Variants in ZNF292 observed in about 807,000 individuals in gnomAD.
ZNF292 encodes the protein 16 zinc-finger domain protein.
Under a neutral mutation model 217.9 loss-of-function variants are expected in ZNF292, and 26 were observed. The ratio of observed to expected loss-of-function variants is 0.12; its 90% confidence interval spans 0.09 to 0.17. The LOEUF (loss-of-function observed/expected upper bound fraction) is 0.17, where lower values mean the gene tolerates loss of function less well. Among genes scored for constraint, ZNF292 ranks in the 10% least tolerant of loss-of-function variants. The pLI is 1.00. For missense variants in ZNF292, 2,904 were observed against 3,175.2 expected (o/e 0.91, Z 2.05); for synonymous variants, 1,257 against 1,124.1 (o/e 1.12, Z -2.37).
chr6:87,179,203 G>T (rs1461273627), intron 1 of ZNF292, among the ~76,000 whole-genome samples: 1 of 131,120 alleles, frequency 7.6e-6, no homozygotes, highest in Admixed American at 9.0e-5. Flanking sequence ...TCTGTCGCCC[G>T]GGCTGGAGTG....
chr6:87,187,078 C>T (rs1245899269), intron 1 of ZNF292, among the ~76,000 whole-genome samples: 1 of 151,998 alleles, frequency 6.6e-6, no homozygotes, highest in Non-Finnish European at 1.5e-5. Flanking sequence ...TTAATTTTTT[C>T]CTCACTTCAG....
intron 4 of ZNF292, among the ~76,000 whole-genome samples, chr6:87,221,804 A>G (rs574050025): frequency 5.3e-5 from 8 of 151,950 alleles, no homozygotes; most frequent in Admixed American, 2.6e-4. Context: ...TAAATGTGTA[A>G]ATCTCAGCAC....
rs565348607 is a variant in ZNF292, at chr6:87,238,561, A to C, written c.742-4914A>C. On this transcript the variant is annotated intron_variant, in intron 5 of 7. Coordinates refer to ENST00000369577, the MANE Select transcript of ZNF292 (RefSeq NM_015021.3). ...ATTTCTTGCCTTATACATAATAGAT[A>C]AATTTGGTACCATATGAGCACTCAG... Among the ~76,000 whole-genome samples, 61 of 150,956 alleles carry C rather than the reference A, an allele frequency of 4.0e-4. 1 individual carries two copies. The highest frequency in any genetic ancestry group is 1.3e-3 in the African/African-American group (54 of 41,328).
intron 1 of ZNF292, among the ~76,000 whole-genome samples, chr6:87,190,635 A>G (rs1771796829): frequency 6.6e-6 from 1 of 152,020 alleles, no homozygotes. Context: ...CACCACACCC[A>G]GCTAATTTTT....
At chr6:87,190,074 T>C (rs1005116953) in intron 1 of ZNF292, among the ~76,000 whole-genome samples, 3 of 152,222 alleles carry the variant, frequency 2.0e-5, no homozygotes, top group African/African-American at 7.2e-5. Flanking sequence ...TGTATGTCCC[T>C]TTGATATATT....
chr6:87,187,854 T>C (rs1370457685), intron 1 of ZNF292, among the ~76,000 whole-genome samples: 1 of 152,116 alleles, frequency 6.6e-6, no homozygotes, highest in African/African-American at 2.4e-5. Context: ...ACCCCAGGCA[T>C]GTAAATTAAT....
intron 7 of ZNF292, chr6:87,249,375 G>A (rs1774777516): frequency 2.3e-6 from 1 of 427,790 alleles, no homozygotes; most frequent in Non-Finnish European, 4.7e-6. Context: ...AATTCTCCGT[G>A]CCTTGGCCTT....
intron 4 of ZNF292, among the ~76,000 whole-genome samples, chr6:87,232,349 C>T (rs1389659944): frequency 6.6e-6 from 1 of 152,046 alleles, no homozygotes; most frequent in Non-Finnish European, 1.5e-5. Context: ...GTATTCTAAC[C>T]TGCAAATTAC....
intron 1 of ZNF292, chr6:87,173,733 TTGGGTTG>T (rs1228518828): frequency 6.5e-6 from 1 of 152,824 alleles, no homozygotes; most frequent in Non-Finnish European, 1.5e-5. Context: ...TTCAGAGCTC[TTGGGTTG>T]TAAACTAGTG....
chr6:87,238,280 A>G (rs1327139036), intron 5 of ZNF292, among the ~76,000 whole-genome samples: 1 of 152,090 alleles, frequency 6.6e-6, no homozygotes, highest in African/African-American at 2.4e-5. Flanking sequence ...TGAGGTCAGG[A>G]GTTTGAGACC....
intron 1 of ZNF292, among the ~76,000 whole-genome samples, chr6:87,185,013 T>C (rs1441722934): frequency 6.6e-6 from 1 of 152,216 alleles, no homozygotes; most frequent in African/African-American, 2.4e-5. Context: ...CACACACTAA[T>C]GTCCTCTGAA....
intron 1 of ZNF292, among the ~76,000 whole-genome samples, chr6:87,208,157 G>A (rs1772325507): frequency 6.6e-6 from 1 of 152,112 alleles, no homozygotes; most frequent in African/African-American, 2.4e-5. Flanking sequence ...GAAGTCTGCT[G>A]CCTCTTCCCC....
chr6:87,195,359 C>T (rs1459887851), intron 1 of ZNF292, among the ~76,000 whole-genome samples: 1 of 152,112 alleles, frequency 6.6e-6, no homozygotes, highest in Non-Finnish European at 1.5e-5. Flanking sequence ...TATATAACAA[C>T]ATAGTGTTAA....
intron 4 of ZNF292, among the ~76,000 whole-genome samples, chr6:87,226,669 A>C (rs1036521619): frequency 2.1e-4 from 22 of 105,194 alleles, no homozygotes; most frequent in African/African-American, 8.9e-4. Flanking sequence ...AGATATATAG[A>C]TATATAGATA....
At chr6:87,206,065 G>A (rs1772244260) in intron 1 of ZNF292, among the ~76,000 whole-genome samples, 1 of 152,152 alleles carries the variant, frequency 6.6e-6, no homozygotes, top group Non-Finnish European at 1.5e-5. Flanking sequence ...TGGAGCAACA[G>A]GATGACATCT....
chr6:87,250,293 A>ATAG (rs72558770), intron 7 of ZNF292, among the ~76,000 whole-genome samples: 93,324 of 150,602 alleles, frequency 0.62, 30,225 homozygotes, highest in African/African-American at 0.81. Flanking sequence ...TAAGCCAAAC[A>ATAG]TGGTGTGTGC....
rs140447541 is a variant in ZNF292 at position 87,230,905 on chromosome 6, A to T, written c.539-2420A>T. On this transcript the variant is annotated intron_variant, in intron 4 of 7. Transcript: ENST00000369577. ...CCTGCTTTTCTGTTGAAGTCTGTGA[A>T]TATAGAGAAAACATAAAAAGGTGAC... 7.1e-3 allele frequency among the ~76,000 whole-genome samples: 1,076 copies of T among 152,306 alleles called. 18 individuals carry two copies. Among genetic ancestry groups the T allele is most frequent in the African/African-American group, 0.023 (976 of 41,562 alleles).
At chr6:87,239,512 G>T (rs1774115408) in intron 5 of ZNF292, among the ~76,000 whole-genome samples, 2 of 151,518 alleles carry the variant, frequency 1.3e-5, no homozygotes, top group Non-Finnish European at 2.9e-5. Flanking sequence ...CTCCCTGATG[G>T]GGCGGCTGGC....
chr6:87,245,425 A>G, intron 6 of ZNF292, 78 bp from the exon 7 acceptor site: 2 of 1,103,758 alleles, frequency 1.8e-6, no homozygotes, highest in Non-Finnish European at 2.5e-6. Context: ...TTTAATTTCA[A>G]ATGTAATGAC....
Sources: gnomAD v4.1 joint callset for allele counts (sites outside exome capture counted in the v4.1 genomes callset) on GRCh38, gnomAD v4.1.1 for gene constraint, MANE v1.5 for transcripts, NCBI Gene and HGNC (gene_info 2026-07-23, HGNC 2026-07-21) for gene names.